Variants in CPXM2 observed in about 807,000 individuals in gnomAD.
CPXM2 encodes the protein inactive carboxypeptidase-like protein X2.
Under a neutral mutation model 86.1 loss-of-function variants are expected in CPXM2, and 66 were observed. The observed-to-expected ratio is 0.77, with a 90% CI of 0.63 to 0.94. The LOEUF (loss-of-function observed/expected upper bound fraction) is 0.94, where lower values mean the gene tolerates loss of function less well. Ranked by LOEUF, CPXM2 falls within the 40% of genes least tolerant of loss-of-function variation. CPXM2 has a pLI of 0.00. For missense variants in CPXM2, 948 were observed against 1,026.3 expected (o/e 0.92, Z 1.04); for synonymous variants, 388 against 400.2 (o/e 0.97, Z 0.36).
upstream of CPXM2, chr10:123,891,816 C>T (rs986466817): frequency 2.1e-5 from 6 of 284,068 alleles, no homozygotes; most frequent in African/African-American, 1.4e-4. This position sits in a 1 kb window ranked among gnomAD's most constrained non-coding sequence, Gnocchi z 5.6. Flanking sequence ...GTGACCGGCC[C>T]GCGGGGCTGG....
At chr10:123,880,760 C>T (rs1355385904) in intron 1 of CPXM2, among the ~76,000 whole-genome samples, 1 of 134,682 alleles carries the variant, frequency 7.4e-6, no homozygotes, top group Admixed American at 8.6e-5. Context: ...ACCTGGGAGG[C>T]AGAGCTTGCA....
chr10:123,942,061 G>A (rs1397781786), upstream of CPXM2, among the ~76,000 whole-genome samples: 2 of 152,214 alleles, frequency 1.3e-5, no homozygotes, highest in Non-Finnish European at 1.5e-5. Context: ...TGTCTTTGAG[G>A]AATTGGACAA....
intron 6 of CPXM2, among the ~76,000 whole-genome samples, chr10:123,795,935 G>A (rs546453198): frequency 2.6e-5 from 4 of 152,202 alleles, no homozygotes; most frequent in Admixed American, 2.0e-4. Flanking sequence ...GTTCCTACCC[G>A]CAGAGAAAAG....
chr10:123,801,824 G>A (rs1399384209), intron 4 of CPXM2, among the ~76,000 whole-genome samples: 1 of 152,106 alleles, frequency 6.6e-6, no homozygotes, highest in East Asian at 1.9e-4. Context: ...TACTGCTGCA[G>A]CTGTTTGAAC....
chr10:123,901,978 G>T lies in CPXM2; in HGVS notation n.175-21669C>A, dbSNP rs374907189. On this transcript the variant is annotated intron_variant and non_coding_transcript_variant, in intron 2 of 19. Transcript: ENST00000368854. ...CACTGGAATGAAGTCTCTTTCCTCC[G>T]AACTGTTTTCCAGAGAACTTTTGTG... Among the ~76,000 whole-genome samples the T allele has an allele frequency of 2.0e-5, 3 of 152,148 alleles. No individual in the cohort carries two copies. In the East Asian group the frequency reaches 5.8e-4, roughly 29 times the overall value.
At chr10:123,765,804 C>T (rs1367868851) in intron 10 of CPXM2, among the ~76,000 whole-genome samples, 1 of 152,242 alleles carries the variant, frequency 6.6e-6, no homozygotes, top group Non-Finnish European at 1.5e-5. Flanking sequence ...CACCCTGCTG[C>T]TCCTCCTCCA....
At chr10:123,778,327 G>A (rs1846849800) in intron 7 of CPXM2, among the ~76,000 whole-genome samples, 1 of 152,130 alleles carries the variant, frequency 6.6e-6, no homozygotes, top group Admixed American at 6.5e-5. Context: ...TCAAAATATT[G>A]ACTTCTTTCC....
chr10:123,842,483 G>T lies in CPXM2; in HGVS notation c.519C>A (p.Gly173=), dbSNP rs142368005. Reference sequence around the variant, plus strand: ...CGTCATAAAAATCATTTTCATTAATGCCCGCCTAGAAAGAAAGAAAGCGGT... The same window carrying T: ...CGTCATAAAAATCATTTTCATTAATTCCCGCCTAGAAAGAAAGAAAGCGGT... ...AHRGRLNIQA[G]INENDFYDGA... Residue 173 remains glycine (G), a synonymous_variant, in exon 4 of 14, where the codon GGC becomes GGA. Coordinates refer to ENST00000241305, the MANE Select transcript of CPXM2 (RefSeq NM_198148.3). 5.0e-6 allele frequency: 8 copies of T among 1,613,954 alleles called. No homozygotes were observed. The African/African-American group carries it at 1.1e-4, about 22-fold the overall frequency.
At chr10:123,858,683 C>T (rs143447377) in intron 3 of CPXM2, among the ~76,000 whole-genome samples, 8 of 152,320 alleles carry the variant, frequency 5.3e-5, no homozygotes, top group African/African-American at 1.9e-4. Flanking sequence ...GTGCATAAGG[C>T]ACTTAGCACT....
chr10:123,820,438 CAT>C (rs1421691426), intron 4 of CPXM2, among the ~76,000 whole-genome samples: 2 of 152,332 alleles, frequency 1.3e-5, no homozygotes, highest in East Asian at 1.9e-4. Context: ...CACTGACACA[CAT>C]GTCTGCTCAC....
intron 4 of CPXM2, among the ~76,000 whole-genome samples, chr10:123,834,207 A>G: frequency 6.6e-6 from 1 of 152,214 alleles, no homozygotes; most frequent in Non-Finnish European, 1.5e-5. Flanking sequence ...CAGGACGTCC[A>G]GGAGCAGGTT....
chr10:123,818,963 C>T (rs1847869519), intron 4 of CPXM2, among the ~76,000 whole-genome samples: 1 of 152,160 alleles, frequency 6.6e-6, no homozygotes, highest in Non-Finnish European at 1.5e-5. Context: ...TTTTCGCTTC[C>T]TGTTCCCACG....
intron 2 of CPXM2, among the ~76,000 whole-genome samples, chr10:123,928,904 TAA>T (rs1945644862): frequency 6.6e-6 from 1 of 152,218 alleles, no homozygotes; most frequent in Non-Finnish European, 1.5e-5. Context: ...TTTATGCCAC[TAA>T]GTTTGAGGTG....
chr10:123,767,103 A>T lies in CPXM2; in HGVS notation c.1349T>A (p.Ile450Asn). 6.2e-7 allele frequency: 1 copy of T among 1,614,142 alleles called. No individual in the cohort carries two copies. Reference sequence around the variant, plus strand: ...ATCAGGAAAGTTGTTGTTGATGTCAATTCCATCGTGGGTCCAGCGTCCCAG... The same window carrying T: ...ATCAGGAAAGTTGTTGTTGATGTCATTTCCATCGTGGGTCCAGCGTCCCAG... ...WSLGRWTHDG[I>N]DINNNFPDLN... The change falls in exon 10 of 14, where the codon ATT (isoleucine) becomes AAT (asparagine). Residue 450 changes from isoleucine to asparagine, a missense_variant. By Grantham distance (149) the Ile-to-Asn change is moderately radical (BLOSUM62 -3). Coordinates refer to ENST00000241305, the MANE Select transcript of CPXM2 (RefSeq NM_198148.3).
chr10:123,868,599 C>A (rs1944837604), intron 2 of CPXM2, among the ~76,000 whole-genome samples: 1 of 152,140 alleles, frequency 6.6e-6, no homozygotes, highest in Non-Finnish European at 1.5e-5. Context: ...AAATTGGGAT[C>A]TGGAAGCCAC....
At chr10:123,764,690 T>C (rs1184661398) in intron 10 of CPXM2, among the ~76,000 whole-genome samples, 1 of 152,174 alleles carries the variant, frequency 6.6e-6, no homozygotes, top group East Asian at 1.9e-4. Flanking sequence ...TTTCACCATG[T>C]TGGCCATGCT....
chr10:123,792,348 G>A (rs1350199169), intron 6 of CPXM2, among the ~76,000 whole-genome samples: 1 of 152,144 alleles, frequency 6.6e-6, no homozygotes, highest in East Asian at 1.9e-4. Context: ...AGGGGCTGCT[G>A]GAAACTTACA....
chr10:123,887,375 T>C (rs1406904650), intron 1 of CPXM2, among the ~76,000 whole-genome samples: 2 of 152,216 alleles, frequency 1.3e-5, no homozygotes, highest in Non-Finnish European at 1.5e-5. Flanking sequence ...TACGGTTCCA[T>C]ATCCTGACAG....
chr10:123,777,493 G>C (rs1226305709), intron 7 of CPXM2: 2 of 152,620 alleles, frequency 1.3e-5, no homozygotes, highest in Non-Finnish European at 1.5e-5. Flanking sequence ...CAGGCACAGA[G>C]GCCCGCCCTC....
Sources: allele counts gnomAD v4.1 joint callset (sites outside exome capture counted in the v4.1 genomes callset), GRCh38; gene constraint gnomAD v4.1.1; non-coding constraint Gnocchi (gnomAD v3.1); transcripts MANE v1.5; gene names NCBI Gene and HGNC (gene_info 2026-07-23, HGNC 2026-07-21).